Variants in GGTA1 observed in about 807,000 individuals in gnomAD.
The protein encoded by GGTA1 is inactive N-acetyllactosaminide alpha-1,3-galactosyltransferase.
Under a neutral mutation model 2.6 loss-of-function variants are expected in GGTA1, and 5 were observed. That is an observed-to-expected ratio of 1.92 (90% CI 1.00 to 4.04). The LOEUF (loss-of-function observed/expected upper bound fraction) is 4.04. GGTA1 is among the 30% of genes most tolerant of loss of function. The pLI, the probability that GGTA1 is intolerant of heterozygous loss-of-function variation, is 0.00. For synonymous variants in GGTA1, 17 were observed against 5.0 expected (o/e 3.38, Z -3.19); for missense variants, 50 against 16.7 (o/e 2.99, Z -3.47).
At chr9:121,475,148 C>G (rs1828480571) in intron 1 of GGTA1, among the ~76,000 whole-genome samples, 1 of 152,136 alleles carries the variant, frequency 6.6e-6, no homozygotes, top group East Asian at 1.9e-4. Flanking sequence ...GCTGGTAAAA[C>G]AGTTTGCGGT....
intron 1 of GGTA1, among the ~76,000 whole-genome samples, chr9:121,498,102 A>G (rs1421399655): frequency 3.3e-5 from 5 of 152,224 alleles, no homozygotes; most frequent in Non-Finnish European, 7.3e-5. Flanking sequence ...TTCCCAATAC[A>G]TAGAGGAGAT....
chr9:121,465,418 C>A (rs938719871), intron 2 of GGTA1, among the ~76,000 whole-genome samples: 2 of 152,194 alleles, frequency 1.3e-5, no homozygotes, highest in Non-Finnish European at 2.9e-5. Context: ...TGGAGCAGAT[C>A]ATGATGATGA....
Position 121,472,922 on chromosome 9 carries a change from C to T in GGTA1, c.-9-4991G>A, listed in dbSNP as rs186984207. On this transcript the variant is annotated intron_variant, in intron 1 of 5. Transcript: ENST00000481799. ...GAGATGTTTATGATTTTTTTTTATT[C>T]CAAAAATTAGCATCAGAAGCAACTC... 2.8e-4 allele frequency among the ~76,000 whole-genome samples: 42 copies of T among 152,034 alleles called. No homozygotes were observed. The East Asian group carries it at 7.9e-3, about 29-fold the overall frequency.
intron 1 of GGTA1, among the ~76,000 whole-genome samples, chr9:121,468,401 T>C (rs572197560): frequency 1.3e-5 from 2 of 152,374 alleles, no homozygotes; most frequent in South Asian, 4.1e-4. Context: ...TGCCACATTT[T>C]CTTTATCCAG....
chr9:121,496,757 A>AAT (rs1554838784), intron 1 of GGTA1, among the ~76,000 whole-genome samples: 1 of 111,918 alleles, frequency 8.9e-6, no homozygotes, highest in Non-Finnish European at 2.1e-5. Context: ...AAAAAAAAAA[A>AAT]AGAGAGAGAG....
chr9:121,456,624 C>T (rs536311086), intron 5 of GGTA1, among the ~76,000 whole-genome samples: 45 of 152,188 alleles, frequency 3.0e-4, no homozygotes, highest in Non-Finnish European at 5.9e-4. Flanking sequence ...GCACGTTGGT[C>T]AGGCTGGTCT....
At chr9:121,488,381 G>A (rs1828805188) in intron 1 of GGTA1, among the ~76,000 whole-genome samples, 1 of 152,128 alleles carries the variant, frequency 6.6e-6, no homozygotes, top group Non-Finnish European at 1.5e-5. Context: ...AAACCCTGGG[G>A]ATTCAGCTCT....
rs539742893 is a variant in GGTA1, at chr9:121,466,662, A to G, written c.80+1181T>C. Among the ~76,000 whole-genome samples the G allele has an allele frequency of 2.6e-5, 4 of 152,176 alleles. No homozygotes were observed. In the South Asian group the frequency reaches 8.3e-4, roughly 32 times the overall value. On this transcript the variant is annotated intron_variant, in intron 2 of 5. Transcript: ENST00000481799. ...GATCATCAAATCTTAGAATTTAAGA[A>G]TCAAAAGAGGCCGGGCATGGTGGCT...
intron 5 of GGTA1, among the ~76,000 whole-genome samples, chr9:121,458,649 TA>T (rs2118660213): frequency 1.3e-5 from 2 of 151,196 alleles, no homozygotes; most frequent in African/African-American, 4.9e-5. Flanking sequence ...AATAAATAAA[TA>T]AATAAATAAA....
At chr9:121,449,594 C>A (rs2064868240) in intron 7 of GGTA1, among the ~76,000 whole-genome samples, 1 of 152,150 alleles carries the variant, frequency 6.6e-6, no homozygotes, top group Non-Finnish European at 1.5e-5. Context: ...GTAATCCCAG[C>A]ACTTTGGGAG....
rs201111707 is a variant in GGTA1, at chr9:121,467,910, C to T, written c.13G>A (p.Gly5Arg). MNVKGKVILSMLVVS... is the reference protein window; with the variant it reads MNVKRKVILSMLVVS... ...ACCAGCATTGACAGAATTACTTTTC[C>T]TTTGACATTCATTATTTTCTCCTAG... Residue 5 changes from glycine to arginine, a missense_variant, in exon 2 of 6, where the codon GGA becomes AGA. Physicochemically the swap from Gly to Arg is moderately radical, Grantham distance 125. Transcript: ENST00000481799. 1.5e-3 allele frequency: 695 copies of T among 456,052 alleles called. 1 individual carries two copies. The highest frequency in any genetic ancestry group is 2.9e-3 in the Middle Eastern group (9 of 3,066). The allele number at this position is 456,052 out of a possible 1,614,324, so 28.3% of individuals were successfully genotyped here.
At chr9:121,492,733 C>G (rs1159935399) in intron 1 of GGTA1, among the ~76,000 whole-genome samples, 1 of 152,016 alleles carries the variant, frequency 6.6e-6, no homozygotes, top group Non-Finnish European at 1.5e-5. Flanking sequence ...CTCGGCCTCC[C>G]AAAGTGCTGG....
chr9:121,476,375 CA>C lies in GGTA1; in HGVS notation c.-9-8445del, dbSNP rs1828510257. Among the ~76,000 whole-genome samples, 2 of 152,252 alleles carry C rather than the reference CA, an allele frequency of 1.3e-5. No homozygotes were observed. Among genetic ancestry groups the C allele is most frequent in the South Asian group, 4.2e-4 (2 of 4,816 alleles). ...TTGTCATAGTCCTGCAGGTCAGCCC[CA>C]GCACCAACACAGTGCCAGCTTTCTA... On this transcript the variant is annotated intron_variant, in intron 1 of 5. Coordinates refer to ENST00000481799, the MANE Select transcript of GGTA1 (RefSeq NM_001382585.1). This position sits in a 1 kb window ranked among gnomAD's most constrained non-coding sequence, Gnocchi z 4.6.
chr9:121,497,971 G>A (rs1829027575), intron 1 of GGTA1, among the ~76,000 whole-genome samples: 1 of 152,198 alleles, frequency 6.6e-6, no homozygotes, highest in Admixed American at 6.5e-5. Flanking sequence ...CTCCTGGTAA[G>A]GTGTGGCCAC....
chr9:121,494,751 T>C (rs1371522034), intron 1 of GGTA1: 1 of 152,140 alleles, frequency 6.6e-6, no homozygotes, highest in Non-Finnish European at 1.5e-5. Context: ...CCCGTGCTGA[T>C]TGGTAATGAG....
At chr9:121,499,595 G>A in intron 1 of GGTA1, 55 bp downstream of exon 1, 1 of 152,446 alleles carries the variant, frequency 6.6e-6, no homozygotes, top group Non-Finnish European at 1.5e-5. Context: ...GGAGCCCCCC[G>A]TCCGTGTCCT....
At chr9:121,449,293 AC>A (rs1275904354) in intron 7 of GGTA1, among the ~76,000 whole-genome samples, 2 of 152,164 alleles carry the variant, frequency 1.3e-5, no homozygotes, top group East Asian at 3.8e-4. Flanking sequence ...TAAGTTTTTA[AC>A]TCATTTGGGT....
intron 1 of GGTA1, among the ~76,000 whole-genome samples, chr9:121,472,724 G>A (rs969322168): frequency 4.6e-5 from 7 of 152,198 alleles, no homozygotes; most frequent in African/African-American, 1.4e-4. Context: ...GGAGGCAACA[G>A]AGAGGCTGGC....
At chr9:121,459,755 C>T (rs3816094) in intron 5 of GGTA1, among the ~76,000 whole-genome samples, 78,570 of 151,936 alleles carry the variant, frequency 0.52, 20,934 homozygotes, top group South Asian at 0.66. Flanking sequence ...CACATCCTTC[C>T]AGTTGATCCT....
Sources: allele counts gnomAD v4.1 joint callset (sites outside exome capture counted in the v4.1 genomes callset), GRCh38; gene constraint gnomAD v4.1.1; non-coding constraint Gnocchi (gnomAD v3.1); transcripts MANE v1.5; gene names NCBI Gene and HGNC (gene_info 2026-07-23, HGNC 2026-07-21).